Variants in JADE2 observed in about 807,000 individuals in gnomAD.
JADE2 encodes the protein E3 ubiquitin-protein ligase Jade-2.
JADE2 carries 13 observed loss-of-function variants against 85.7 expected under a neutral mutation model. That is an observed-to-expected ratio of 0.15 (90% CI 0.10 to 0.24). JADE2 has a LOEUF of 0.24. JADE2 is among the 10% of genes least tolerant of loss of function. JADE2 has a pLI of 1.00. For missense variants in JADE2, 846 were observed against 1,115.9 expected (o/e 0.76, Z 3.45); for synonymous variants, 440 against 456.1 (o/e 0.96, Z 0.45).
In JADE2 at chr5:134,578,629, C is replaced by T. The variant is rs754660916; in HGVS notation, c.1817C>T (p.Pro606Leu). 2.5e-6 allele frequency: 4 copies of T among 1,614,150 alleles called. No individual in the cohort carries two copies. In the Admixed American group the frequency reaches 6.7e-5, roughly 27 times the overall value. Residue 606 changes from proline (P) to leucine (L), a missense_variant, in exon 12 of 12, where the codon CCA (proline) becomes CTA (leucine). By Grantham distance (98) the Pro-to-Leu change is moderately conservative. Coordinates refer to ENST00000681547, the MANE Select transcript of JADE2 (RefSeq NM_001388185.1). The surrounding 1 kb of genome is among the most constrained non-coding windows in gnomAD (Gnocchi z 4.4). ...LNNGHREDPA[P>L]GLLSEELLQD... ...AATGGGCACCGCGAGGACCCTGCTC[C>T]AGGGCTGCTGTCAGAGGAACTGCTG...
intron 5 of JADE2, 23 bp from the exon 6 acceptor site, chr5:134,560,723 A>G: frequency 1.2e-6 from 2 of 1,605,038 alleles, no homozygotes; most frequent in South Asian, 1.1e-5. Flanking sequence ...TAACACCACC[A>G]TGCCCTGCTG....
chr5:134,576,391 G>C (rs140301323), intron 10 of JADE2, among the ~76,000 whole-genome samples: 1 of 152,166 alleles, frequency 6.6e-6, no homozygotes. Context: ...TGACCCCTCA[G>C]GTAGTGTTCC....
chr5:134,549,027 A>G (rs1025759976), intron 3 of JADE2, among the ~76,000 whole-genome samples: 2 of 152,196 alleles, frequency 1.3e-5, no homozygotes, highest in Non-Finnish European at 2.9e-5. Context: ...AGTGCCAGGC[A>G]CTGAGAATAT....
chr5:134,555,087 C>T (rs1344226076), intron 4 of JADE2, among the ~76,000 whole-genome samples: 2 of 152,140 alleles, frequency 1.3e-5, no homozygotes, highest in East Asian at 3.9e-4. Flanking sequence ...CCCTGTGCCC[C>T]CGTCATCCCA....
intron 3 of JADE2, among the ~76,000 whole-genome samples, chr5:134,538,878 A>G (rs923277821): frequency 1.4e-5 from 2 of 147,620 alleles, no homozygotes; most frequent in Non-Finnish European, 3.0e-5. Flanking sequence ...TTTTTTGGAG[A>G]CTGAGGTTCT....
At chr5:134,542,599 G>A (rs1246492514) in intron 3 of JADE2, among the ~76,000 whole-genome samples, 3 of 151,646 alleles carry the variant, frequency 2.0e-5, no homozygotes, top group Non-Finnish European at 4.4e-5. Flanking sequence ...GTGCCACCAC[G>A]TCCAGCTAAT....
intron 6 of JADE2, among the ~76,000 whole-genome samples, chr5:134,561,189 C>CCCTCAGACCCTCTCCACCTT (rs1763299598): frequency 1.3e-5 from 2 of 152,228 alleles, no homozygotes; most frequent in Non-Finnish European, 2.9e-5. Context: ...CCATCAGCCT[C>CCCTCAGACCCTCTCCACCTT]CCTCAGACCC....
At chr5:134,531,071 T>C (rs957619317) in intron 1 of JADE2, among the ~76,000 whole-genome samples, 3 of 152,130 alleles carry the variant, frequency 2.0e-5, no homozygotes, top group Non-Finnish European at 4.4e-5. Flanking sequence ...CACTGGGTGG[T>C]GAATTTCTTC....
intron 1 of JADE2, chr5:134,526,294 T>C (rs1240483351): frequency 2.0e-6 from 2 of 985,080 alleles, no homozygotes; most frequent in Non-Finnish European, 2.4e-6. Flanking sequence ...AGGGTGAGCT[T>C]GGCGACCTTC....
chr5:134,573,157 C>T (rs1261827160), intron 9 of JADE2, among the ~76,000 whole-genome samples: 1 of 152,184 alleles, frequency 6.6e-6, no homozygotes, highest in Non-Finnish European at 1.5e-5. Flanking sequence ...TTTTGCCATG[C>T]CATTTATGTC....
At chr5:134,525,164 CTT>C (rs763345253), upstream of JADE2, among the ~76,000 whole-genome samples, 18 of 133,724 alleles carry the variant, frequency 1.3e-4, no homozygotes, top group African/African-American at 8.3e-5. Flanking sequence ...TATAAGCTCG[CTT>C]TTTTTTTTTT....
chr5:134,554,598 T>C (rs181510316), intron 4 of JADE2, among the ~76,000 whole-genome samples: 5 of 152,328 alleles, frequency 3.3e-5, no homozygotes, highest in African/African-American at 1.2e-4. Context: ...TCCGGCTGCT[T>C]TGACTTTACG....
In JADE2 at chr5:134,525,821, C is replaced by A; in HGVS notation, c.-191C>A. On this transcript the variant is annotated 5_prime_UTR_variant, in exon 1 of 12. Transcript: ENST00000681547. ...GGTCCTGCGGGCCGACCGTCCCCGG[C>A]GGGGGGCGTGGGGCCTGGGACGCCG... The A allele has an allele frequency of 9.9e-7, 1 of 1,011,828 alleles. No homozygotes were observed. Among genetic ancestry groups the A allele is most frequent in the Non-Finnish European group, 1.2e-6 (1 of 844,600 alleles). The allele number at this position is 1,011,828 out of a possible 1,614,324, so 62.7% of individuals were successfully genotyped here.
At chr5:134,531,780 A>G (rs1426309507) in intron 1 of JADE2, among the ~76,000 whole-genome samples, 11 of 148,476 alleles carry the variant, frequency 7.4e-5, no homozygotes, top group Non-Finnish European at 1.5e-4. Flanking sequence ...ACGGGGTTTC[A>G]CCACATTAGC....
chr5:134,542,717 C>T (rs1762045221), intron 3 of JADE2, among the ~76,000 whole-genome samples: 1 of 151,978 alleles, frequency 6.6e-6, no homozygotes, highest in African/African-American at 2.4e-5. Context: ...GCTGGGATTA[C>T]AAGCGTGAGC....
intron 1 of JADE2, chr5:134,526,386 C>T (rs953636714): frequency 4.1e-6 from 4 of 985,014 alleles, no homozygotes; most frequent in Non-Finnish European, 4.8e-6. Context: ...TGCAACTTCC[C>T]CGCGGGCTCC....
At chr5:134,532,616 G>A (rs1395701577) in intron 1 of JADE2, among the ~76,000 whole-genome samples, 1 of 152,178 alleles carries the variant, frequency 6.6e-6, no homozygotes, top group Admixed American at 6.5e-5. Flanking sequence ...TTCTCCCACA[G>A]CAGACCTTGC....
intron 1 of JADE2, chr5:134,526,647 G>C (rs1042106549): frequency 5.2e-5 from 51 of 985,458 alleles, no homozygotes; most frequent in Admixed American, 1.8e-4. Context: ...CCCCTCTCCC[G>C]GCCCGGTGCA....
chr5:134,557,311 C>G (rs534644056), intron 4 of JADE2, among the ~76,000 whole-genome samples: 12 of 112,524 alleles, frequency 1.1e-4, no homozygotes, highest in Non-Finnish European at 1.1e-4. Flanking sequence ...AACCCATGCT[C>G]TTTATTAGAT....
Sources: gnomAD v4.1 joint callset for allele counts (sites outside exome capture counted in the v4.1 genomes callset) on GRCh38, gnomAD v4.1.1 for gene constraint, Gnocchi (gnomAD v3.1) non-coding constraint, MANE v1.5 for transcripts, NCBI Gene and HGNC (gene_info 2026-07-23, HGNC 2026-07-21) for gene names.